The following GALNT14 variants were observed in gnomAD, a reference collection of about 807,000 sequenced individuals.
GALNT14 encodes the protein polypeptide N-acetylgalactosaminyltransferase 14.
Under a neutral mutation model 77.5 loss-of-function variants are expected in GALNT14, and 60 were observed. The ratio of observed to expected loss-of-function variants is 0.77; its 90% confidence interval spans 0.63 to 0.96. The LOEUF (loss-of-function observed/expected upper bound fraction) is 0.96. Ranked by LOEUF, GALNT14 falls within the 40% of genes least tolerant of loss-of-function variation. The probability of loss-of-function intolerance (pLI) is 0.00; values close to 1 mark genes in which losing one functional copy is unlikely to be tolerated. For synonymous variants in GALNT14, 280 were observed against 281.7 expected, an observed-to-expected ratio of 0.99 and a Z score of 0.06; for missense variants, 710 against 731.0, an observed-to-expected ratio of 0.97 and a Z score of 0.33.
At chr2:31,119,377 C>T (rs1262095153) in intron 1 of GALNT14, among the ~76,000 whole-genome samples, 1 of 151,948 alleles carries the variant, frequency 6.6e-6, no homozygotes, top group Non-Finnish European at 1.5e-5. Flanking sequence ...AAAGATAAAC[C>T]GTACAGTAGA....
At chr2:31,059,524 A>G (rs1373550871) in intron 1 of GALNT14, among the ~76,000 whole-genome samples, 1 of 152,094 alleles carries the variant, frequency 6.6e-6, no homozygotes, top group African/African-American at 2.4e-5. Flanking sequence ...AACCTTATGA[A>G]TGAGATTAGT....
chr2:30,991,912 G>A (rs1324339610), intron 2 of GALNT14, among the ~76,000 whole-genome samples: 1 of 152,154 alleles, frequency 6.6e-6, no homozygotes, highest in Non-Finnish European at 1.5e-5. Flanking sequence ...TTTCCACAAT[G>A]TGAGTACCCA....
At chr2:31,130,593 T>C (rs1198572052) in intron 1 of GALNT14, among the ~76,000 whole-genome samples, 4 of 152,140 alleles carry the variant, frequency 2.6e-5, no homozygotes, top group African/African-American at 7.2e-5. Flanking sequence ...CTAGCTCTCA[T>C]TAGGCCCTGG....
intron 3 of GALNT14, among the ~76,000 whole-genome samples, chr2:30,964,641 T>C (rs895303458): frequency 2.0e-5 from 3 of 152,218 alleles, no homozygotes; most frequent in Non-Finnish European, 2.9e-5. Flanking sequence ...GAAGCCAGCC[T>C]GACATTGCCA....
intron 1 of GALNT14, among the ~76,000 whole-genome samples, chr2:31,010,195 T>A (rs1670932316): frequency 6.6e-6 from 1 of 152,156 alleles, no homozygotes; most frequent in South Asian, 2.1e-4. Context: ...ACCATGTTGG[T>A]CAGCCTGGTC....
chr2:30,981,893 A>G (rs1669011055), intron 2 of GALNT14, among the ~76,000 whole-genome samples: 1 of 152,206 alleles, frequency 6.6e-6, no homozygotes, highest in Non-Finnish European at 1.5e-5. Flanking sequence ...TAGAAAGGGC[A>G]TGCACTTTCG....
chr2:30,933,446 C>T (rs1302043801), intron 9 of GALNT14, among the ~76,000 whole-genome samples: 3 of 152,168 alleles, frequency 2.0e-5, no homozygotes, highest in African/African-American at 7.2e-5. Flanking sequence ...GTGTGTCCTG[C>T]ACCCTGCTCT....
chr2:31,058,868 C>G lies in GALNT14; in HGVS notation c.130-65861G>C, dbSNP rs115390885. ...CCAAATACGAGAACCAGGCTGAGTT[C>G]TCAAGTTTTCTAAGCAATATCTCAA... On this transcript the variant is annotated intron_variant, in intron 1 of 14. Coordinates refer to ENST00000349752, the MANE Select transcript of GALNT14 (RefSeq NM_024572.4). 1.8e-3 allele frequency among the ~76,000 whole-genome samples: 271 copies of G among 152,264 alleles called. 1 individual carries two copies. Among genetic ancestry groups the G allele is most frequent in the African/African-American group, 6.4e-3 (265 of 41,546 alleles).
chr2:30,903,508 C>T, the GALNT14 span, among the ~76,000 whole-genome samples: 1 of 152,236 alleles, frequency 6.6e-6, no homozygotes, highest in East Asian at 1.9e-4. Flanking sequence ...AGCAGTGATG[C>T]TGGAGAGGCC....
At chr2:31,034,976 A>G (rs1002011888) in intron 1 of GALNT14, among the ~76,000 whole-genome samples, 3 of 152,180 alleles carry the variant, frequency 2.0e-5, no homozygotes, top group Non-Finnish European at 4.4e-5. Context: ...TATGATTTCA[A>G]TCCTTTTAAA....
chr2:30,983,077 A>G (rs1669084805), intron 2 of GALNT14, among the ~76,000 whole-genome samples: 1 of 152,156 alleles, frequency 6.6e-6, no homozygotes, highest in African/African-American at 2.4e-5. Flanking sequence ...CAGATAATTC[A>G]GAGGCGAGAG....
chr2:31,125,221 C>A, intron 1 of GALNT14: 1 of 1,550,530 alleles, frequency 6.4e-7, no homozygotes, highest in Non-Finnish European at 8.7e-7. Flanking sequence ...CCCAAGGGCT[C>A]ATCCCAGCCA....
intron 1 of GALNT14, among the ~76,000 whole-genome samples, chr2:31,041,169 C>T (rs977947686): frequency 2.0e-5 from 3 of 152,152 alleles, no homozygotes; most frequent in Non-Finnish European, 2.9e-5. Context: ...TTTTATGAAG[C>T]ACTCACTGCA....
At chr2:31,134,161 G>C (rs962356665) in intron 1 of GALNT14, among the ~76,000 whole-genome samples, 1 of 152,204 alleles carries the variant, frequency 6.6e-6, no homozygotes, top group Non-Finnish European at 1.5e-5. Context: ...CTCTCCGAAG[G>C]CAATCTGCTC....
intron 1 of GALNT14, among the ~76,000 whole-genome samples, chr2:31,039,298 C>T (rs1672952562): frequency 6.6e-6 from 1 of 152,166 alleles, no homozygotes; most frequent in African/African-American, 2.4e-5. Flanking sequence ...TTTACAACTA[C>T]AACCAGTAAC....
intron 2 of GALNT14, among the ~76,000 whole-genome samples, chr2:30,984,018 ATC>A (rs1669148409): frequency 6.6e-6 from 1 of 152,326 alleles, no homozygotes; most frequent in African/African-American, 2.4e-5. Flanking sequence ...TGTGGAGTTA[ATC>A]TGCTAGTCTT....
chr2:30,933,646 T>G (rs72785202), intron 9 of GALNT14, among the ~76,000 whole-genome samples: 1 of 152,166 alleles, frequency 6.6e-6, no homozygotes, highest in East Asian at 1.9e-4. Flanking sequence ...GTGGGGACCA[T>G]GTAGACTCAA....
At chr2:31,033,152 T>G (rs6706494) in intron 1 of GALNT14, among the ~76,000 whole-genome samples, 4,387 of 152,186 alleles carry the variant, frequency 0.029, 217 homozygotes, top group African/African-American at 0.099. Context: ...CATTGAAAAG[T>G]GACTGACAGA....
chr2:30,924,857 A>G (rs1178669136), intron 11 of GALNT14, 34 bp from the exon 12 acceptor site: 13 of 1,588,530 alleles, frequency 8.2e-6, no homozygotes, highest in Middle Eastern at 3.9e-4. Context: ...AGACACAAAG[A>G]CAAAACACAG....
Sources: allele counts gnomAD v4.1 joint callset (sites outside exome capture counted in the v4.1 genomes callset), GRCh38; gene constraint gnomAD v4.1.1; transcripts MANE v1.5; gene names NCBI Gene and HGNC (gene_info 2026-07-23, HGNC 2026-07-21).